The following ESRP1 variants were observed in gnomAD, a reference collection of about 807,000 sequenced individuals.
ESRP1 encodes RNA-binding motif protein 35A.
Under a neutral mutation model 81.7 loss-of-function variants are expected in ESRP1, and 33 were observed. That is an observed-to-expected ratio of 0.40 (90% CI 0.31 to 0.54). The LOEUF is 0.54. Ranked by LOEUF, ESRP1 falls within the 20% of genes least tolerant of loss-of-function variation. The pLI is 0.41. For missense variants in ESRP1, 672 were observed against 833.1 expected (o/e 0.81, Z 2.38); for synonymous variants, 320 against 303.3 (o/e 1.06, Z -0.57).
chr8:94,643,941 A>C (rs540564083), intron 3 of ESRP1, among the ~76,000 whole-genome samples: 1 of 152,244 alleles, frequency 6.6e-6, no homozygotes, highest in Non-Finnish European at 1.5e-5. Context: ...TAAAAAGGCT[A>C]CTTAAATAAG....
intron 13 of ESRP1, among the ~76,000 whole-genome samples, chr8:94,686,534 A>T (rs1809148253): frequency 6.6e-6 from 1 of 152,184 alleles, no homozygotes; most frequent in Non-Finnish European, 1.5e-5. Flanking sequence ...ATCCAGCTCA[A>T]GGACAGTCTC....
chr8:94,676,519 G>C (rs752168633), intron 12 of ESRP1, among the ~76,000 whole-genome samples: 8 of 151,406 alleles, frequency 5.3e-5, no homozygotes, highest in Non-Finnish European at 1.0e-4. Context: ...GTTTTGTTTT[G>C]AGACGGAGTC....
chr8:94,648,405 T>G (rs1817946116), intron 4 of ESRP1, among the ~76,000 whole-genome samples: 1 of 152,276 alleles, frequency 6.6e-6, no homozygotes, highest in Admixed American at 6.5e-5. Context: ...ATTTTATGAC[T>G]ACTATTCAGA....
At chr8:94,693,416 C>T (rs1009717255) in intron 14 of ESRP1, among the ~76,000 whole-genome samples, 2 of 152,168 alleles carry the variant, frequency 1.3e-5, no homozygotes, top group East Asian at 1.9e-4. Flanking sequence ...AGTCTGTGTC[C>T]ATCAGCTGTT....
At chr8:94,683,145 T>C (rs1311038697) in intron 13 of ESRP1, among the ~76,000 whole-genome samples, 1 of 151,426 alleles carries the variant, frequency 6.6e-6, no homozygotes, top group Non-Finnish European at 1.5e-5. Flanking sequence ...TGTTTCTCCA[T>C]GTTGGTCAGG....
At chr8:94,652,280 G>A (rs1216514050) in intron 4 of ESRP1, among the ~76,000 whole-genome samples, 6 of 152,022 alleles carry the variant, frequency 3.9e-5, no homozygotes, top group African/African-American at 2.4e-5. Flanking sequence ...GAGCCACTGC[G>A]CCTGGCCCTC....
At chr8:94,695,672 T>G (rs1248893439) in intron 14 of ESRP1, among the ~76,000 whole-genome samples, 1 of 146,486 alleles carries the variant, frequency 6.8e-6, no homozygotes, top group Non-Finnish European at 1.5e-5. Context: ...CTATTTTTCT[T>G]TTCTATCTGT....
chr8:94,675,743 T>A (rs1819557369), intron 12 of ESRP1, among the ~76,000 whole-genome samples: 1 of 152,226 alleles, frequency 6.6e-6, no homozygotes, highest in African/African-American at 2.4e-5. Flanking sequence ...ATCCTTTCAC[T>A]TGTCCCTCCT....
At chr8:94,653,351 C>T (rs1187868233) in intron 4 of ESRP1, among the ~76,000 whole-genome samples, 1 of 152,100 alleles carries the variant, frequency 6.6e-6, no homozygotes, top group Non-Finnish European at 1.5e-5. Context: ...CTGGGGGCAA[C>T]TTATTTGAAT....
intron 4 of ESRP1, among the ~76,000 whole-genome samples, chr8:94,646,833 A>G (rs1817881597): frequency 6.6e-6 from 1 of 152,200 alleles, no homozygotes; most frequent in African/African-American, 2.4e-5. Flanking sequence ...TACCAAAATA[A>G]TATATTTGAT....
At chr8:94,699,909 T>A (rs28695217) in intron 15 of ESRP1, among the ~76,000 whole-genome samples, 7 of 18,424 alleles carry the variant, frequency 3.8e-4, no homozygotes, top group Non-Finnish European at 7.1e-4. Context: ...TTATATATAT[T>A]TTTTTACCGC....
intron 4 of ESRP1, among the ~76,000 whole-genome samples, chr8:94,650,521 G>A (rs1338079235): frequency 6.6e-6 from 1 of 152,042 alleles, no homozygotes; most frequent in Admixed American, 6.6e-5. Flanking sequence ...TGGCTTTATA[G>A]TTCCTTTTTA....
chr8:94,697,949 T>G (rs1809671404), intron 15 of ESRP1, among the ~76,000 whole-genome samples: 1 of 152,126 alleles, frequency 6.6e-6, no homozygotes, highest in South Asian at 2.1e-4. Context: ...CCTGGCTTTT[T>G]TTTTGTATTT....
intron 15 of ESRP1, among the ~76,000 whole-genome samples, chr8:94,705,420 A>G (rs527417615): frequency 1.7e-4 from 26 of 152,214 alleles, no homozygotes; most frequent in African/African-American, 5.8e-4. Flanking sequence ...TGCCTGCCTC[A>G]GCCTCCCAAA....
intron 2 of ESRP1, 108 bp from the exon 3 acceptor site, chr8:94,643,195 A>G (rs1454790380): frequency 1.4e-6 from 1 of 702,466 alleles, no homozygotes; most frequent in Non-Finnish European, 2.5e-6. Context: ...GGTGTCACCC[A>G]TCAGGGCCCT....
In ESRP1 at chr8:94,642,056, C is replaced by T; in HGVS notation, c.233C>T (p.Ala78Val). 1.2e-6 allele frequency: 2 copies of T among 1,613,124 alleles called. No individual in the cohort carries two copies. Among genetic ancestry groups the T allele is most frequent in the Non-Finnish European group, 1.7e-6 (2 of 1,179,850 alleles). The change falls in exon 2 of 16, where the codon GCG becomes GTG. Residue 78 changes from alanine to valine, a missense_variant. By Grantham distance (64) the Ala-to-Val change is moderately conservative. Coordinates refer to ENST00000433389, the MANE Select transcript of ESRP1 (RefSeq NM_017697.4). ...ATAGACGTCGAAAGCCTGTCCTCGGCGTCGCAGCTGGACCAAGCCCTCCGA... is the reference window on the plus strand; with the variant it reads ...ATAGACGTCGAAAGCCTGTCCTCGGTGTCGCAGCTGGACCAAGCCCTCCGA... ...TKIDVESLSS[A>V]SQLDQALRQF...
intron 1 of ESRP1, chr8:94,641,723 A>T: frequency 3.3e-6 from 2 of 605,122 alleles, no homozygotes; most frequent in Non-Finnish European, 4.9e-6. Flanking sequence ...CGCCGAGACG[A>T]GGTGGGGTCT....
intron 4 of ESRP1, among the ~76,000 whole-genome samples, chr8:94,650,415 C>T (rs750022460): frequency 2.6e-5 from 4 of 152,130 alleles, no homozygotes; most frequent in Non-Finnish European, 5.9e-5. Flanking sequence ...TTGGCTTTTC[C>T]AGGAGGTCAT....
chr8:94,652,499 C>G (rs1277560919), intron 4 of ESRP1, among the ~76,000 whole-genome samples: 1 of 150,366 alleles, frequency 6.7e-6, no homozygotes, highest in African/African-American at 2.4e-5. Context: ...TTGAAATTAT[C>G]TTAGATCCCT....
Sources: allele counts gnomAD v4.1 joint callset (sites outside exome capture counted in the v4.1 genomes callset), GRCh38; gene constraint gnomAD v4.1.1; transcripts MANE v1.5; gene names NCBI Gene and HGNC (gene_info 2026-07-23, HGNC 2026-07-21).